The following SLC41A2 variants were observed in gnomAD, a reference collection of about 807,000 sequenced individuals.
The protein encoded by SLC41A2 is SLC41A1-like 1.
A neutral mutation model predicts 58.3 loss-of-function variants in SLC41A2; 32 were observed. That is an observed-to-expected ratio of 0.55 (90% CI 0.41 to 0.74). SLC41A2 has a LOEUF of 0.74. Among genes scored for constraint, SLC41A2 ranks in the 30% least tolerant of loss-of-function variants. The pLI, the probability that SLC41A2 is intolerant of heterozygous loss-of-function variation, is 0.00. For synonymous variants in SLC41A2, 190 were observed against 235.0 expected (o/e 0.81, Z 1.75); for missense variants, 514 against 680.6 (o/e 0.76, Z 2.72).
intron 6 of SLC41A2, 147 bp from the exon 7 acceptor site, chr12:104,866,726 T>C (rs1415066112): frequency 1.7e-6 from 1 of 593,526 alleles, no homozygotes; most frequent in Non-Finnish European, 2.7e-6. Context: ...TCAAACAAAT[T>C]TATAACTGTA....
chr12:104,880,801 G>T (rs1321178926), intron 6 of SLC41A2, among the ~76,000 whole-genome samples: 4 of 152,100 alleles, frequency 2.6e-5, no homozygotes, highest in Admixed American at 1.3e-4. Context: ...TCTCTGCCAG[G>T]CTTTGGTATG....
At chr12:104,829,720 T>G (rs2041976001) in intron 10 of SLC41A2, among the ~76,000 whole-genome samples, 1 of 152,088 alleles carries the variant, frequency 6.6e-6, no homozygotes, top group Non-Finnish European at 1.5e-5. Context: ...GCAACAGCCT[T>G]TAGCCAGGGT....
intron 2 of SLC41A2, among the ~76,000 whole-genome samples, chr12:104,919,008 A>G (rs1370763406): frequency 6.6e-6 from 1 of 152,150 alleles, no homozygotes; most frequent in Non-Finnish European, 1.5e-5. Flanking sequence ...TCTCTCCACT[A>G]CTAATACCTC....
intron 8 of SLC41A2, among the ~76,000 whole-genome samples, chr12:104,846,807 T>C (rs940730592): frequency 1.3e-5 from 2 of 152,140 alleles, no homozygotes; most frequent in African/African-American, 4.8e-5. Flanking sequence ...CTGAGGGTAA[T>C]GATAATAACC....
intron 1 of SLC41A2, among the ~76,000 whole-genome samples, chr12:104,955,955 C>A (rs556026127): frequency 1.3e-5 from 2 of 152,334 alleles, no homozygotes; most frequent in African/African-American, 2.4e-5. Context: ...AAACAAGATT[C>A]TCCACTTTAC....
intron 10 of SLC41A2, among the ~76,000 whole-genome samples, chr12:104,815,253 A>G (rs1248028503): frequency 2.0e-5 from 3 of 152,214 alleles, no homozygotes; most frequent in Non-Finnish European, 4.4e-5. Context: ...AAGCTGAATG[A>G]TAATTTAAGG....
At chr12:104,932,198 T>G (rs939297442) in intron 1 of SLC41A2, among the ~76,000 whole-genome samples, 1 of 152,194 alleles carries the variant, frequency 6.6e-6, no homozygotes, top group African/African-American at 2.4e-5. Flanking sequence ...CTTTCTTCCT[T>G]TAACTAAATA....
At chr12:104,816,684 T>C (rs1190588523) in intron 10 of SLC41A2, among the ~76,000 whole-genome samples, 1 of 152,214 alleles carries the variant, frequency 6.6e-6, no homozygotes, top group African/African-American at 2.4e-5. Context: ...AAGAAACTTA[T>C]CTGACTGTGG....
chr12:104,931,544 T>C (rs2047052654), intron 1 of SLC41A2: 1 of 152,142 alleles, frequency 6.6e-6, no homozygotes, highest in Admixed American at 6.5e-5. Context: ...GGAAAAACAA[T>C]AATCAGGTAA....
At chr12:104,815,205 G>A (rs992941920) in intron 10 of SLC41A2, among the ~76,000 whole-genome samples, 11 of 152,188 alleles carry the variant, frequency 7.2e-5, no homozygotes, top group Non-Finnish European at 1.5e-4. Context: ...ATGACAATAA[G>A]TAGCAGACAC....
chr12:104,806,352 A>T (rs1026967771), intron 10 of SLC41A2, among the ~76,000 whole-genome samples: 3 of 151,972 alleles, frequency 2.0e-5, no homozygotes, highest in African/African-American at 7.3e-5. Context: ...GCTGAGAATG[A>T]TGGTTTCCAG....
At chr12:104,953,450 C>T (rs1445012574) in intron 1 of SLC41A2, among the ~76,000 whole-genome samples, 1 of 152,338 alleles carries the variant, frequency 6.6e-6, no homozygotes, top group East Asian at 1.9e-4. Context: ...ATTCCTCCCA[C>T]AGGAAAGTGA....
rs2046909885 is a variant in SLC41A2 at position 104,927,977 on chromosome 12, A to T, written c.551T>A (p.Val184Glu). 3 of 1,595,246 alleles carry T rather than the reference A, an allele frequency of 1.9e-6. No homozygotes were observed. The highest frequency in any genetic ancestry group is 2.6e-6 in the Non-Finnish European group (3 of 1,170,980). The change falls in exon 2 of 11, where the codon GTA (valine) becomes GAA (glutamate). Residue 184 changes from valine (V) to glutamate (E), a missense_variant. Coordinates refer to ENST00000258538, the MANE Select transcript of SLC41A2 (RefSeq NM_001352171.3). ...TVSAGMVLDI[V>E]QHWEVFRKVT... is the part of the protein sequence containing the mutation. ...TAAATAAAGATGAAAACCCACCTGT[A>T]CTATATCCAGTACCATGCCAGCTGA...
At chr12:104,951,103 T>C (rs2047933976) in intron 1 of SLC41A2, among the ~76,000 whole-genome samples, 1 of 152,232 alleles carries the variant, frequency 6.6e-6, no homozygotes, top group Admixed American at 6.5e-5. Context: ...GTATTTTTAA[T>C]GGTTAAACTT....
At chr12:104,914,249 C>G (rs968065700) in intron 2 of SLC41A2, among the ~76,000 whole-genome samples, 2 of 151,938 alleles carry the variant, frequency 1.3e-5, no homozygotes, top group Non-Finnish European at 2.9e-5. Flanking sequence ...TATTTCCTAA[C>G]ACTTTAGTAA....
intron 8 of SLC41A2, among the ~76,000 whole-genome samples, chr12:104,847,603 C>CAAAAA (rs61636915): frequency 1.2e-5 from 1 of 86,400 alleles, no homozygotes; most frequent in African/African-American, 4.7e-5. Flanking sequence ...GACTCTGTCT[C>CAAAAA]AAAAAAAAAA....
chr12:104,825,413 C>T (rs191451545), intron 10 of SLC41A2, among the ~76,000 whole-genome samples: 3 of 152,174 alleles, frequency 2.0e-5, no homozygotes, highest in African/African-American at 7.2e-5. Context: ...TCTCCTTTGG[C>T]CAAGGAATTC....
chr12:104,924,255 G>T (rs2046735270), intron 2 of SLC41A2, among the ~76,000 whole-genome samples: 1 of 152,128 alleles, frequency 6.6e-6, no homozygotes, highest in South Asian at 2.1e-4. Flanking sequence ...AAAATAAAAA[G>T]ACTACTGATT....
chr12:104,836,267 T>C (rs765882023), intron 10 of SLC41A2, among the ~76,000 whole-genome samples: 1 of 152,208 alleles, frequency 6.6e-6, no homozygotes, highest in Non-Finnish European at 1.5e-5. Context: ...GAATAGGAAA[T>C]GATAACAGAA....
Sources: gnomAD v4.1 joint callset for allele counts (sites outside exome capture counted in the v4.1 genomes callset) on GRCh38, gnomAD v4.1.1 for gene constraint, MANE v1.5 for transcripts, NCBI Gene and HGNC (gene_info 2026-07-23, HGNC 2026-07-21) for gene names.